Variants in FHIP1A observed in about 807,000 individuals in gnomAD.
FHIP1A encodes FHF complex subunit HOOK interacting protein 1A, also known as FHF complex subunit HOOK-interacting protein 1A.
A neutral mutation model predicts 88.6 loss-of-function variants in FHIP1A; 61 were observed. The observed-to-expected ratio is 0.69, with a 90% CI of 0.56 to 0.85. FHIP1A has a LOEUF of 0.85. Among genes scored for constraint, FHIP1A ranks in the 40% least tolerant of loss-of-function variants. The pLI is 0.00. For synonymous variants in FHIP1A, 478 were observed against 496.0 expected, an observed-to-expected ratio of 0.96 and a Z score of 0.48; for missense variants, 1,154 against 1,273.5, an observed-to-expected ratio of 0.91 and a Z score of 1.43.
At chr4:151,413,808 T>C (rs996968785) in intron 1 of FHIP1A, among the ~76,000 whole-genome samples, 1 of 152,222 alleles carries the variant, frequency 6.6e-6, no homozygotes, top group African/African-American at 2.4e-5. Flanking sequence ...AGCAAAGGTC[T>C]TTTGTCAGAA....
chr4:151,639,551 A>C (rs967177372), intron 9 of FHIP1A, among the ~76,000 whole-genome samples: 3 of 152,200 alleles, frequency 2.0e-5, no homozygotes, highest in African/African-American at 7.2e-5. Context: ...ACAGAACTCT[A>C]GAAACTCCTG....
chr4:151,472,526 G>A (rs1192846032), intron 2 of FHIP1A, among the ~76,000 whole-genome samples: 2 of 151,348 alleles, frequency 1.3e-5, no homozygotes, highest in Non-Finnish European at 2.9e-5. Context: ...ATAGAAACAC[G>A]TTACAAGGTG....
At position 151,413,910 on chromosome 4, in the gene FHIP1A, A is replaced by T. The variant is rs563078561; in HGVS notation, c.-356+4445A>T. Among the ~76,000 whole-genome samples, 43 of 152,328 alleles carry T rather than the reference A, an allele frequency of 2.8e-4. 2 individuals carry two copies. Among genetic ancestry groups the T allele is most frequent in the African/African-American group, 9.9e-4 (41 of 41,570 alleles). ...GTTTAAATGTTATGCTCTTGGTCAC[A>T]TAACTGTAGAGACAAACCTCTCCCA... On this transcript the variant is annotated intron_variant, in intron 1 of 13. Transcript: ENST00000435205.
intron 8 of FHIP1A, 73 bp from the exon 9 acceptor site, chr4:151,638,604 T>C: frequency 1.1e-6 from 1 of 891,148 alleles, no homozygotes; most frequent in Non-Finnish European, 1.7e-6. Flanking sequence ...TAATTCTGAT[T>C]TATTTACTAT....
At chr4:151,636,721 G>A (rs1578846950) in intron 8 of FHIP1A, among the ~76,000 whole-genome samples, 1 of 152,008 alleles carries the variant, frequency 6.6e-6, no homozygotes, top group South Asian at 2.1e-4. Context: ...TCATAGACCA[G>A]AAGACTTAAT....
rs180715436 is a variant in FHIP1A, at chr4:151,621,705, C to T, written c.979-7997C>T. 2.9e-3 allele frequency among the ~76,000 whole-genome samples: 440 copies of T among 152,090 alleles called. 3 individuals are homozygous for T. Among genetic ancestry groups the T allele is most frequent in the Non-Finnish European group, 4.5e-3 (304 of 68,002 alleles). On this transcript the variant is annotated intron_variant, in intron 7 of 13. Coordinates refer to ENST00000435205, the MANE Select transcript of FHIP1A (RefSeq NM_001109977.3). Reference sequence around the variant, plus strand: ...TGGCCCATGGACCATTTCCCCTCTACTGTGGGTTTTAAAGTCAGTCTCATC... The same window carrying T: ...TGGCCCATGGACCATTTCCCCTCTATTGTGGGTTTTAAAGTCAGTCTCATC...
chr4:151,510,407 G>A (rs1388860895), intron 3 of FHIP1A, among the ~76,000 whole-genome samples: 1 of 152,116 alleles, frequency 6.6e-6, no homozygotes, highest in African/African-American at 2.4e-5. Context: ...ACCATGCCTG[G>A]CCCTATCAGC....
chr4:151,540,338 T>C (rs980066153), intron 3 of FHIP1A, among the ~76,000 whole-genome samples: 5 of 152,230 alleles, frequency 3.3e-5, no homozygotes, highest in African/African-American at 4.8e-5. Flanking sequence ...AGAGGATCTC[T>C]TTTTACAGAA....
chr4:151,650,143 A>G lies in FHIP1A; in HGVS notation c.2102A>G (p.Asn701Ser), dbSNP rs1483501658. The change falls in exon 11 of 14, where the codon AAT (asparagine) becomes AGT (serine). Residue 701 changes from asparagine (N) to serine (S), a missense_variant. Coordinates refer to ENST00000435205, the MANE Select transcript of FHIP1A (RefSeq NM_001109977.3). ...TDSEEEWNRD[N>S]SDPFHSEPKE... is the part of the protein sequence containing the mutation. ...TCAGAGGAGGAGTGGAATAGGGACA[A>G]TTCAGACCCGTTTCACAGTGAGCCC... 1.3e-6 allele frequency: 2 copies of G among 1,551,696 alleles called. No individual in the cohort carries two copies. The highest frequency in any genetic ancestry group is 1.2e-5 in the South Asian group (1 of 84,056).
chr4:151,510,973 T>G (rs1490559453), intron 3 of FHIP1A, among the ~76,000 whole-genome samples: 1 of 152,176 alleles, frequency 6.6e-6, no homozygotes, highest in East Asian at 1.9e-4. Flanking sequence ...CTCTTGCCTT[T>G]AAAGACTTTA....
At chr4:151,422,286 T>G (rs1324202580) in intron 1 of FHIP1A, among the ~76,000 whole-genome samples, 1 of 152,014 alleles carries the variant, frequency 6.6e-6, no homozygotes, top group Non-Finnish European at 1.5e-5. Context: ...TATTTGATAA[T>G]CTTGGCTATA....
At chr4:151,623,517 G>A (rs1014921973) in intron 7 of FHIP1A, among the ~76,000 whole-genome samples, 40 of 133,694 alleles carry the variant, frequency 3.0e-4, no homozygotes, top group African/African-American at 1.1e-3. Context: ...CTGACTTCCT[G>A]GTCCTTTTTT....
At chr4:151,550,305 A>G (rs542952648) in intron 3 of FHIP1A, among the ~76,000 whole-genome samples, 12 of 152,284 alleles carry the variant, frequency 7.9e-5, no homozygotes, top group African/African-American at 2.9e-4. Context: ...CACCCCTACT[A>G]TGCGATCAAA....
intron 7 of FHIP1A, among the ~76,000 whole-genome samples, chr4:151,613,840 T>A (rs954612723): frequency 6.6e-6 from 1 of 152,164 alleles, no homozygotes; most frequent in Non-Finnish European, 1.5e-5. Flanking sequence ...GAACTTGGGT[T>A]GAGAACCACT....
chr4:151,453,829 A>G (rs1728878061), intron 1 of FHIP1A, among the ~76,000 whole-genome samples: 2 of 152,264 alleles, frequency 1.3e-5, no homozygotes, highest in South Asian at 4.1e-4. Flanking sequence ...AGATAGCACC[A>G]TTGCACTTTA....
Position 151,442,815 on chromosome 4 carries a change from C to T in FHIP1A, c.-355-11886C>T, listed in dbSNP as rs1187773804. 3.9e-5 allele frequency among the ~76,000 whole-genome samples: 6 copies of T among 152,022 alleles called. No individual in the cohort carries two copies. In the East Asian group the frequency reaches 1.2e-3, roughly 29 times the overall value. ...TCTTCCATATGTTCTATCCTTGTGT[C>T]TTTTTGTTATATACTTTGAGAGATT... On this transcript the variant is annotated intron_variant, in intron 1 of 13. Transcript: ENST00000435205.
chr4:151,625,295 CAAGG>C (rs1353854097), intron 7 of FHIP1A, among the ~76,000 whole-genome samples: 1 of 152,114 alleles, frequency 6.6e-6, no homozygotes, highest in Non-Finnish European at 1.5e-5. Flanking sequence ...AAGGAAAAGC[CAAGG>C]AAGGGTGGCT....
At chr4:151,546,580 T>C (rs1732512424) in intron 3 of FHIP1A, among the ~76,000 whole-genome samples, 1 of 152,220 alleles carries the variant, frequency 6.6e-6, no homozygotes, top group Non-Finnish European at 1.5e-5. Flanking sequence ...ACAGAGTTTG[T>C]AGTCTTGAGG....
chr4:151,590,739 T>C (rs1734393522), intron 7 of FHIP1A, among the ~76,000 whole-genome samples: 1 of 152,206 alleles, frequency 6.6e-6, no homozygotes, highest in African/African-American at 2.4e-5. Flanking sequence ...AAGAGAATAA[T>C]TGCTAACATT....
Sources: allele counts gnomAD v4.1 joint callset (sites outside exome capture counted in the v4.1 genomes callset), GRCh38; gene constraint gnomAD v4.1.1; transcripts MANE v1.5; gene names NCBI Gene and HGNC (gene_info 2026-07-23, HGNC 2026-07-21).